The following NCOA7 variants were observed in gnomAD, a reference collection of about 807,000 sequenced individuals.
NCOA7 encodes 140 kDa estrogen receptor-associated protein.
A neutral mutation model predicts 104.3 loss-of-function variants in NCOA7; 45 were observed. That is an observed-to-expected ratio of 0.43 (90% CI 0.34 to 0.55). The LOEUF is 0.55. Among genes scored for constraint, NCOA7 ranks in the 20% least tolerant of loss-of-function variants. The pLI, the probability that NCOA7 is intolerant of heterozygous loss-of-function variation, is 0.02. For synonymous variants in NCOA7, 398 were observed against 402.3 expected (o/e 0.99, Z 0.13); for missense variants, 1,041 against 1,119.7 (o/e 0.93, Z 1.00).
intron 6 of NCOA7, among the ~76,000 whole-genome samples, chr6:125,881,920 C>T (rs1395275339): frequency 1.3e-5 from 2 of 152,166 alleles, no homozygotes; most frequent in African/African-American, 4.8e-5. Context: ...ATGGCACGAT[C>T]TTCGCTTACT....
chr6:125,823,104 G>A (rs1000819760), intron 2 of NCOA7, among the ~76,000 whole-genome samples: 2 of 152,120 alleles, frequency 1.3e-5, no homozygotes, highest in African/African-American at 2.4e-5. Flanking sequence ...GCGATCCACA[G>A]CACTGCTCAA....
upstream of NCOA7, chr6:125,790,830 C>T (rs1236927954): frequency 6.6e-6 from 1 of 152,240 alleles, no homozygotes; most frequent in East Asian, 1.9e-4. Context: ...CCTAAGACAC[C>T]CCGACTGCGG....
chr6:125,885,481 TGA>T, intron 8 of NCOA7, 138 bp downstream of exon 8: 1 of 655,820 alleles, frequency 1.5e-6, no homozygotes, highest in Non-Finnish European at 2.5e-6. Context: ...CTGAAGAAAA[TGA>T]GAAAAATGAG....
At chr6:125,857,806 G>A (rs1324868085) in intron 3 of NCOA7, among the ~76,000 whole-genome samples, 1 of 151,820 alleles carries the variant, frequency 6.6e-6, no homozygotes, top group Non-Finnish European at 1.5e-5. Context: ...GGCTGGTCTT[G>A]AACTCCTGAC....
chr6:125,917,930 C>T (rs1787225345), intron 11 of NCOA7, among the ~76,000 whole-genome samples: 1 of 152,116 alleles, frequency 6.6e-6, no homozygotes, highest in South Asian at 2.1e-4. Flanking sequence ...TAAACAGAGT[C>T]GTGGAAGAAG....
At chr6:125,792,078 A>T (rs113829029) in intron 1 of NCOA7, among the ~76,000 whole-genome samples, 9,135 of 152,034 alleles carry the variant, frequency 0.06, 321 homozygotes, top group Middle Eastern at 0.095. Context: ...GTTTTTTTTT[A>T]AATCCTGTAA....
At position 125,863,051 on chromosome 6, in the gene NCOA7, A is replaced by G. The variant is rs1367062662; in HGVS notation, c.271+7811A>G. ...CTTTACTTAAAAACTAAAAATATTA[A>G]AAATATGGTAAACTGTGTTCTGTAG... On this transcript the variant is annotated intron_variant, in intron 3 of 15. Coordinates refer to ENST00000392477, the MANE Select transcript of NCOA7 (RefSeq NM_181782.5). Among the ~76,000 whole-genome samples, 6 of 139,370 alleles carry G rather than the reference A, an allele frequency of 4.3e-5. 1 individual carries two copies. Among genetic ancestry groups the G allele is most frequent in the African/African-American group, 1.8e-4 (6 of 33,760 alleles). 91.4% of individuals were successfully genotyped at this position (139,370 alleles called of 152,430 possible).
intron 2 of NCOA7, among the ~76,000 whole-genome samples, chr6:125,848,743 A>T (rs1021221840): frequency 2.0e-5 from 3 of 152,208 alleles, no homozygotes; most frequent in African/African-American, 7.2e-5. Context: ...GCACATGTAT[A>T]CTTATGTAAC....
At position 125,865,508 on chromosome 6, in the gene NCOA7, T is replaced by A. The variant is rs1035184769; in HGVS notation, c.272-9381T>A. Among the ~76,000 whole-genome samples the A allele has an allele frequency of 1.5e-4, 20 of 136,554 alleles. 3 individuals carry two copies. The highest frequency in any genetic ancestry group is 4.3e-4 in the African/African-American group (14 of 32,284). 89.6% of individuals were successfully genotyped at this position (136,554 alleles called of 152,430 possible). A position where few individuals can be genotyped will look rare whatever the true frequency, so the allele number is the denominator to read the frequency against. On this transcript the variant is annotated intron_variant, in intron 3 of 15. Coordinates refer to ENST00000392477, the MANE Select transcript of NCOA7 (RefSeq NM_181782.5). ...CTTCCCTGACACATCTTTTTTTTTT[T>A]AATTTAATTATAACAGCTTATACTT...
chr6:125,799,213 C>T (rs1430986481), intron 1 of NCOA7, among the ~76,000 whole-genome samples: 1 of 152,096 alleles, frequency 6.6e-6, no homozygotes, highest in Non-Finnish European at 1.5e-5. Context: ...CCTCAGTAAT[C>T]CCACACATAC....
intron 1 of NCOA7, among the ~76,000 whole-genome samples, chr6:125,803,657 A>G (rs1156822613): frequency 6.6e-6 from 1 of 152,260 alleles, no homozygotes; most frequent in Non-Finnish European, 1.5e-5. Context: ...GATCTCATCC[A>G]CAGAAGGCAA....
At chr6:125,884,429 C>T (rs1460082723) in intron 7 of NCOA7, among the ~76,000 whole-genome samples, 1 of 152,106 alleles carries the variant, frequency 6.6e-6, no homozygotes, top group Non-Finnish European at 1.5e-5. Flanking sequence ...ATTAAAAGTA[C>T]CAAAATAAAT....
chr6:125,856,011 A>T (rs1369437396), intron 3 of NCOA7, among the ~76,000 whole-genome samples: 2 of 152,216 alleles, frequency 1.3e-5, no homozygotes, highest in Non-Finnish European at 2.9e-5. Flanking sequence ...CTACATTCGC[A>T]GAAGTGGCGT....
intron 3 of NCOA7, among the ~76,000 whole-genome samples, chr6:125,871,066 C>T (rs1782849262): frequency 6.6e-6 from 1 of 152,198 alleles, no homozygotes; most frequent in Non-Finnish European, 1.5e-5. Context: ...GTTCAGTTTG[C>T]TCTAAATGGC....
chr6:125,907,376 G>A (rs370506821), intron 10 of NCOA7, among the ~76,000 whole-genome samples: 1 of 125,882 alleles, frequency 7.9e-6, no homozygotes, highest in South Asian at 2.5e-4. Context: ...GATGGGGGAA[G>A]CATTCAGGGC....
intron 1 of NCOA7, among the ~76,000 whole-genome samples, chr6:125,785,800 A>C (rs544602605): frequency 1.1e-4 from 17 of 152,210 alleles, no homozygotes; most frequent in Non-Finnish European, 2.2e-4. Flanking sequence ...GAAAAGGAAA[A>C]ATTTATTGGG....
At chr6:125,829,513 T>C (rs1756096273) in intron 2 of NCOA7, among the ~76,000 whole-genome samples, 1 of 152,226 alleles carries the variant, frequency 6.6e-6, no homozygotes. Context: ...TTGATATACG[T>C]TGTGTTTGTT....
At chr6:125,783,496 TATTTA>T (rs1335880417) in intron 1 of NCOA7, among the ~76,000 whole-genome samples, 1 of 152,258 alleles carries the variant, frequency 6.6e-6, no homozygotes, top group African/African-American at 2.4e-5. Context: ...TTGTATTCTT[TATTTA>T]ATTTTTAAAT....
At chr6:125,910,734 T>C (rs1786465879) in intron 10 of NCOA7, among the ~76,000 whole-genome samples, 1 of 152,242 alleles carries the variant, frequency 6.6e-6, no homozygotes, top group Non-Finnish European at 1.5e-5. Context: ...CCTGTACACA[T>C]GTGAAATGAG....
Sources: gnomAD v4.1 joint callset for allele counts (sites outside exome capture counted in the v4.1 genomes callset) on GRCh38, gnomAD v4.1.1 for gene constraint, MANE v1.5 for transcripts, NCBI Gene and HGNC (gene_info 2026-07-23, HGNC 2026-07-21) for gene names.